The following MYO5A variants were observed in gnomAD, a reference collection of about 807,000 sequenced individuals.
MYO5A encodes unconventional myosin-Va.
Under a neutral mutation model 249.7 loss-of-function variants are expected in MYO5A, and 98 were observed. The ratio of observed to expected loss-of-function variants is 0.39; its 90% CI spans 0.33 to 0.46. The LOEUF is 0.46. Ranked by LOEUF, MYO5A falls within the 20% of genes least tolerant of loss-of-function variation. MYO5A has a pLI of 0.98. For missense variants in MYO5A, 1,696 were observed against 2,308.8 expected (o/e 0.73, Z 5.44); for synonymous variants, 778 against 810.6 (o/e 0.96, Z 0.68).
chr15:52,452,037 T>TA (rs925104886), intron 1 of MYO5A, among the ~76,000 whole-genome samples: 34 of 152,106 alleles, frequency 2.2e-4, no homozygotes, highest in African/African-American at 8.2e-4. Flanking sequence ...ATTCCTACTA[T>TA]AAAAAACAAT....
chr15:52,392,504 C>T (rs562845413), intron 11 of MYO5A, among the ~76,000 whole-genome samples: 3 of 152,336 alleles, frequency 2.0e-5, no homozygotes, highest in South Asian at 2.1e-4. Context: ...AAGTACTTCT[C>T]CTAAGGGACT....
intron 1 of MYO5A, among the ~76,000 whole-genome samples, chr15:52,493,766 C>G (rs973392807): frequency 6.6e-6 from 1 of 152,134 alleles, no homozygotes; most frequent in African/African-American, 2.4e-5. Context: ...ACCTTGACAA[C>G]AAGGTCCACA....
In MYO5A at chr15:52,379,720, C is replaced by G; in HGVS notation, c.2113G>C (p.Glu705Gln). ...AGFPSRWTYQ[E>Q]FFSRYRVLMK... ...AGGACACGGTAGCGGCTGAAAAATTCTTGGTAAGTCCACCTATTAAAAGAA... is the reference window on the plus strand; with the variant it reads ...AGGACACGGTAGCGGCTGAAAAATTGTTGGTAAGTCCACCTATTAAAAGAA... Residue 705 changes from glutamate to glutamine, a missense_variant, in exon 18 of 42, where the codon GAA (glutamate) becomes CAA (glutamine). Physicochemically the swap from Glu to Gln is conservative, Grantham distance 29. This residue lies in a region of MYO5A where 277 missense variants were observed against 422.4 expected (regional missense o/e 0.66). Coordinates refer to ENST00000399233, the MANE Select transcript of MYO5A (RefSeq NM_001382347.1). 6.2e-7 allele frequency: 1 copy of G among 1,614,146 alleles called. No individual in the cohort carries two copies.
In MYO5A at chr15:52,375,231, G is replaced by A. The variant is rs142684282; in HGVS notation, c.2577+73C>T. 318 of 1,476,826 alleles carry A rather than the reference G, an allele frequency of 2.2e-4. No homozygotes were observed. The African/African-American group carries it at 4.2e-3, about 20-fold the overall frequency. The allele number at this position is 1,476,826 out of a possible 1,614,324, so 91.5% of individuals were successfully genotyped here. A position where few individuals can be genotyped will look rare whatever the true frequency, so the allele number is the denominator to read the frequency against. ...TTCCTACCTTCATTGTAGCCCCTGTGGTACTCTGTATAGATGTGAAATTTG... is the reference window on the plus strand; with the variant it reads ...TTCCTACCTTCATTGTAGCCCCTGTAGTACTCTGTATAGATGTGAAATTTG... On this transcript the variant is annotated intron_variant, in intron 20 of 41. Coordinates refer to ENST00000399233, the MANE Select transcript of MYO5A (RefSeq NM_001382347.1).
At chr15:52,341,045 T>A (rs1394010726) in intron 31 of MYO5A, among the ~76,000 whole-genome samples, 1 of 152,132 alleles carries the variant, frequency 6.6e-6, no homozygotes, top group Non-Finnish European at 1.5e-5. Context: ...TTTGCATTTA[T>A]AAATTAGCAT....
chr15:52,450,813 T>A (rs1459465700), intron 1 of MYO5A, among the ~76,000 whole-genome samples: 2 of 151,382 alleles, frequency 1.3e-5, no homozygotes, highest in African/African-American at 4.8e-5. Context: ...TATGTTAATA[T>A]TATTCTTATG....
At chr15:52,406,106 T>C (rs2042993921) in intron 8 of MYO5A, among the ~76,000 whole-genome samples, 1 of 152,202 alleles carries the variant, frequency 6.6e-6, no homozygotes, top group Non-Finnish European at 1.5e-5. Context: ...TTATCAGATC[T>C]GGCTTCATTT....
chr15:52,338,729 T>C (rs776913954), intron 32 of MYO5A, among the ~76,000 whole-genome samples: 7 of 152,172 alleles, frequency 4.6e-5, no homozygotes, highest in Non-Finnish European at 8.8e-5. Context: ...TTTTTTGTAT[T>C]AGCTATGAAA....
At chr15:52,481,912 T>G (rs1160543138) in intron 1 of MYO5A, among the ~76,000 whole-genome samples, 5 of 152,166 alleles carry the variant, frequency 3.3e-5, no homozygotes, top group Non-Finnish European at 5.9e-5. Flanking sequence ...GTTGGACAAA[T>G]TTTGTATGTC....
chr15:52,459,209 G>C (rs2444022), intron 1 of MYO5A, among the ~76,000 whole-genome samples: 4 of 125,380 alleles, frequency 3.2e-5, no homozygotes, highest in Non-Finnish European at 6.6e-5. Context: ...GTTTCTCAGA[G>C]AGGGGGATTT....
chr15:52,421,531 T>C (rs546293230), intron 4 of MYO5A, among the ~76,000 whole-genome samples: 5 of 147,740 alleles, frequency 3.4e-5, no homozygotes, highest in African/African-American at 9.8e-5. Context: ...TTGGAGGAAA[T>C]AGTAACACCA....
intron 7 of MYO5A, among the ~76,000 whole-genome samples, 177 bp from the exon 8 acceptor site, chr15:52,407,576 TTAAA>T (rs551593057): frequency 3.1e-4 from 47 of 152,160 alleles, no homozygotes; most frequent in African/African-American, 1.0e-3. Flanking sequence ...TAAAATTTAA[TTAAA>T]TAAATGGGGT....
At chr15:52,469,090 G>A (rs1022828036) in intron 1 of MYO5A, among the ~76,000 whole-genome samples, 64 of 152,238 alleles carry the variant, frequency 4.2e-4, no homozygotes, top group Middle Eastern at 3.4e-3. Flanking sequence ...TTGTAAAAGT[G>A]AAAAATTGGA....
At chr15:52,355,780 G>T (rs2040189953) in intron 25 of MYO5A, among the ~76,000 whole-genome samples, 1 of 152,116 alleles carries the variant, frequency 6.6e-6, no homozygotes, top group Admixed American at 6.6e-5. Context: ...AAATACTACT[G>T]CATTTTATAT....
chr15:52,518,318 G>A (rs1354426002), intron 1 of MYO5A, among the ~76,000 whole-genome samples: 1 of 150,456 alleles, frequency 6.6e-6, no homozygotes, highest in Non-Finnish European at 1.5e-5. Flanking sequence ...GTGGTGCAGA[G>A]GTTGAGAAAT....
chr15:52,423,073 CTATT>C (rs1398804670), intron 4 of MYO5A, among the ~76,000 whole-genome samples: 1 of 152,100 alleles, frequency 6.6e-6, no homozygotes, highest in Non-Finnish European at 1.5e-5. Context: ...GAATTCCTGT[CTATT>C]TAATTTGTAT....
At chr15:52,441,097 G>C (rs56360952) in intron 1 of MYO5A, among the ~76,000 whole-genome samples, 22,852 of 152,080 alleles carry the variant, frequency 0.15, 1,823 homozygotes, top group Middle Eastern at 0.22. Flanking sequence ...TAATGCGGAT[G>C]TTACACATGA....
rs2037804664 is a variant in MYO5A at position 52,312,361 on chromosome 15, G to C, written c.*1335C>G. Reference sequence around the variant, plus strand: ...TCTGACAATCCTCTCTAGATAGTGAGTGAGATTCTTTTTTTTTCCAAGGCA... The same window carrying C: ...TCTGACAATCCTCTCTAGATAGTGACTGAGATTCTTTTTTTTTCCAAGGCA... On this transcript the variant is annotated 3_prime_UTR_variant, in exon 42 of 42. Coordinates refer to ENST00000399233, the MANE Select transcript of MYO5A (RefSeq NM_001382347.1). 2 of 152,082 alleles carry C rather than the reference G, an allele frequency of 1.3e-5. No homozygotes were observed. Among genetic ancestry groups the C allele is most frequent in the Non-Finnish European group, 2.9e-5 (2 of 68,016 alleles). The allele number at this position is 152,082 out of a possible 1,614,324, so 9.4% of individuals were successfully genotyped here.
At chr15:52,374,676 G>A (rs2041309187) in intron 20 of MYO5A, among the ~76,000 whole-genome samples, 1 of 152,202 alleles carries the variant, frequency 6.6e-6, no homozygotes, top group Admixed American at 6.5e-5. Context: ...CAGGAATGCT[G>A]GCAGCCACCA....
Sources: gnomAD v4.1 joint callset for allele counts (sites outside exome capture counted in the v4.1 genomes callset) on GRCh38, gnomAD v4.1.1 for gene constraint, gnomAD v4.1.1 regional missense constraint, MANE v1.5 for transcripts, NCBI Gene and HGNC (gene_info 2026-07-23, HGNC 2026-07-21) for gene names.